The following DNAJC1 variants were observed in gnomAD, a reference collection of about 807,000 sequenced individuals.
DNAJC1 encodes the protein DnaJ heat shock protein family (Hsp40) member C1, also known as dnaJ homolog subfamily C member 1.
Under a neutral mutation model 76.6 loss-of-function variants are expected in DNAJC1, and 58 were observed. The ratio of observed to expected loss-of-function variants is 0.76; its 90% CI spans 0.61 to 0.94. The LOEUF (loss-of-function observed/expected upper bound fraction) is 0.94, where lower values mean the gene tolerates loss of function less well. Among genes scored for constraint, DNAJC1 ranks in the 40% least tolerant of loss-of-function variants. The pLI is 0.00. For synonymous variants in DNAJC1, 258 were observed against 267.9 expected, an observed-to-expected ratio of 0.96 and a Z score of 0.36; for missense variants, 689 against 677.3, an observed-to-expected ratio of 1.02 and a Z score of -0.19.
chr10:21,908,049 TA>T (rs1173502716), intron 6 of DNAJC1, among the ~76,000 whole-genome samples: 1 of 115,964 alleles, frequency 8.6e-6, no homozygotes, highest in Non-Finnish European at 1.7e-5. Context: ...ATATAATATA[TA>T]AATATATATA....
intron 8 of DNAJC1, among the ~76,000 whole-genome samples, chr10:21,846,278 C>T (rs1016339118): frequency 1.3e-5 from 2 of 152,124 alleles, no homozygotes; most frequent in African/African-American, 4.8e-5. Flanking sequence ...TACTATCATC[C>T]TCTTTTAATT....
intron 8 of DNAJC1, among the ~76,000 whole-genome samples, chr10:21,829,080 G>C (rs186874273): frequency 6.6e-6 from 1 of 152,122 alleles, no homozygotes; most frequent in African/African-American, 2.4e-5. Context: ...TCCAGGCCTG[G>C]AGTGCAGTGA....
At chr10:21,964,945 T>C (rs1028330153) in intron 1 of DNAJC1, among the ~76,000 whole-genome samples, 11 of 152,264 alleles carry the variant, frequency 7.2e-5, no homozygotes, top group Admixed American at 2.0e-4. Context: ...TTTTCAAAAA[T>C]TTCTCCCTCT....
chr10:21,761,971 G>A (rs1029294661), intron 10 of DNAJC1, among the ~76,000 whole-genome samples: 3 of 152,122 alleles, frequency 2.0e-5, no homozygotes, highest in African/African-American at 4.8e-5. Flanking sequence ...GAAGGGGCGC[G>A]ATTTTGCCTC....
chr10:21,817,632 T>A (rs1039157593), intron 8 of DNAJC1, among the ~76,000 whole-genome samples: 3 of 152,196 alleles, frequency 2.0e-5, no homozygotes, highest in Non-Finnish European at 2.9e-5. Flanking sequence ...TGAAAAAAAA[T>A]GTATTCTGCA....
chr10:21,865,414 A>C (rs1380614122), intron 8 of DNAJC1: 2 of 152,182 alleles, frequency 1.3e-5, no homozygotes, highest in African/African-American at 4.8e-5. Flanking sequence ...CCACTGATAC[A>C]TGAACAAACA....
chr10:21,935,317 G>C (rs996026486), intron 1 of DNAJC1, among the ~76,000 whole-genome samples: 3 of 151,988 alleles, frequency 2.0e-5, no homozygotes, highest in African/African-American at 7.2e-5. Flanking sequence ...AGAAATTCTG[G>C]ACTAGCAAAA....
rs181481997 is a variant in DNAJC1, at chr10:21,848,678, T to A, written c.978+33604A>T. Among the ~76,000 whole-genome samples, 289 of 152,320 alleles carry A rather than the reference T, an allele frequency of 1.9e-3. 2 individuals are homozygous for A. The highest frequency in any genetic ancestry group is 0.01 in the Middle Eastern group (3 of 294). ...AACAATCCATCCAATAACAGCAGAA[T>A]ACACATTCTTCTCCAGTGCACATGG... On this transcript the variant is annotated intron_variant, in intron 8 of 11. Coordinates refer to ENST00000376980, the MANE Select transcript of DNAJC1 (RefSeq NM_022365.4).
chr10:21,767,062 A>G (rs1834309508), intron 9 of DNAJC1, among the ~76,000 whole-genome samples: 1 of 151,894 alleles, frequency 6.6e-6, no homozygotes, highest in South Asian at 2.1e-4. Flanking sequence ...ATCTTTCTTC[A>G]CTGGAGAATA....
rs1277911047 is a variant in DNAJC1 at position 21,837,931 on chromosome 10, C to T, written c.979-31832G>A. 1.3e-4 allele frequency among the ~76,000 whole-genome samples: 19 copies of T among 147,836 alleles called. No homozygotes were observed. In the South Asian group the frequency reaches 2.5e-3, roughly 20 times the overall value. ...CGGGAGGGAGGTGGCGGGCAGCCCC[C>T]GCCCGGCCAGCCGCCCCGGCCGGGA... is the stretch of plus-strand genomic sequence containing the variant. On this transcript the variant is annotated intron_variant, in intron 8 of 11. Coordinates refer to ENST00000376980, the MANE Select transcript of DNAJC1 (RefSeq NM_022365.4).
At chr10:21,826,263 C>T (rs370484482) in intron 8 of DNAJC1, among the ~76,000 whole-genome samples, 4 of 88,438 alleles carry the variant, frequency 4.5e-5, no homozygotes, top group South Asian at 4.3e-4. Flanking sequence ...GAAGAGGAGA[C>T]GAAAATATAT....
chr10:21,986,328 C>T (rs1343017356), intron 1 of DNAJC1, among the ~76,000 whole-genome samples: 1 of 152,230 alleles, frequency 6.6e-6, no homozygotes, highest in East Asian at 1.9e-4. Flanking sequence ...TACTGTCCTT[C>T]ATGTTAATTA....
chr10:21,836,002 C>G (rs148772852), intron 8 of DNAJC1, among the ~76,000 whole-genome samples: 5,536 of 152,020 alleles, frequency 0.036, 174 homozygotes, highest in African/African-American at 0.073. Context: ...CTTGAGAAGA[C>G]CAACTCCAAG....
intron 1 of DNAJC1, among the ~76,000 whole-genome samples, chr10:21,968,346 T>A (rs546678968): frequency 6.6e-6 from 1 of 152,328 alleles, no homozygotes; most frequent in South Asian, 2.1e-4. Flanking sequence ...AGATAAGGGC[T>A]TCTTATCTCA....
intron 8 of DNAJC1, among the ~76,000 whole-genome samples, chr10:21,840,959 A>G (rs568898581): frequency 4.6e-5 from 7 of 152,332 alleles, no homozygotes; most frequent in African/African-American, 1.7e-4. Flanking sequence ...CATATCTACA[A>G]CTATCTGATC....
intron 9 of DNAJC1, among the ~76,000 whole-genome samples, chr10:21,788,336 G>A (rs574965247): frequency 6.6e-6 from 1 of 152,290 alleles, no homozygotes; most frequent in East Asian, 1.9e-4. Flanking sequence ...AGCTATAGCA[G>A]CACATTGCCC....
Position 21,759,541 on chromosome 10 carries a change from C to T in DNAJC1, c.1225G>A (p.Asp409Asn). 8 of 1,614,220 alleles carry T rather than the reference C, an allele frequency of 5.0e-6. No homozygotes were observed. The South Asian group carries it at 6.6e-5, about 13-fold the overall frequency. ...PIKTATTLPD[D>N]MITQREDAEG... ...GCGTCCTCTCGCTGGGTGATCATGT[C>T]ATCGGGCAAGGTGGTGGCCGTTTTG... The change falls in exon 11 of 12, where the codon GAC becomes AAC. Residue 409 changes from aspartate (D) to asparagine (N), a missense_variant. By Grantham distance (23) the Asp-to-Asn change is conservative (BLOSUM62 1). Transcript: ENST00000376980.
intron 9 of DNAJC1, among the ~76,000 whole-genome samples, chr10:21,773,020 A>T (rs1480473538): frequency 6.6e-6 from 1 of 152,172 alleles, no homozygotes; most frequent in East Asian, 1.9e-4. Context: ...TGTCCCGAGA[A>T]CAGCACCAAA....
intron 8 of DNAJC1, among the ~76,000 whole-genome samples, chr10:21,813,098 T>TAC (rs1431646067): frequency 7.8e-6 from 1 of 128,430 alleles, no homozygotes; most frequent in Non-Finnish European, 1.5e-5. Context: ...CACACACACA[T>TAC]ATATATATAT....
Sources: allele counts gnomAD v4.1 joint callset (sites outside exome capture counted in the v4.1 genomes callset), GRCh38; gene constraint gnomAD v4.1.1; transcripts MANE v1.5; gene names NCBI Gene and HGNC (gene_info 2026-07-23, HGNC 2026-07-21).